The following ZNF609 variants were observed in gnomAD, a reference collection of about 807,000 sequenced individuals.
The protein encoded by ZNF609 is zinc finger protein 609.
ZNF609 carries 11 observed loss-of-function variants against 109.5 expected under a neutral mutation model. The ratio of observed to expected loss-of-function variants is 0.10; its 90% CI spans 0.06 to 0.17. The LOEUF (loss-of-function observed/expected upper bound fraction) is 0.17, where lower values mean the gene tolerates loss of function less well. Among genes scored for constraint, ZNF609 ranks in the 10% least tolerant of loss-of-function variants. The probability of loss-of-function intolerance (pLI) is 1.00; values close to 1 mark genes in which losing one functional copy is unlikely to be tolerated. For synonymous variants in ZNF609, 646 were observed against 662.0 expected, an observed-to-expected ratio of 0.98 and a Z score of 0.37; for missense variants, 1,559 against 1,772.4, an observed-to-expected ratio of 0.88 and a Z score of 2.16.
At chr15:64,679,278 G>A (rs1896847800) in intron 6 of ZNF609, among the ~76,000 whole-genome samples, 1 of 152,148 alleles carries the variant, frequency 6.6e-6, no homozygotes, top group South Asian at 2.1e-4. Context: ...TTCCGTGTTG[G>A]TCAGGCTGGT....
chr15:64,596,337 G>A (rs1895397795), intron 2 of ZNF609, among the ~76,000 whole-genome samples: 1 of 152,006 alleles, frequency 6.6e-6, no homozygotes, highest in Admixed American at 6.6e-5. Flanking sequence ...TGTATTTTTA[G>A]CAGAGATGGG....
At chr15:64,466,040 C>G (rs1193542720) in intron 1 of ZNF609, among the ~76,000 whole-genome samples, 1 of 134,638 alleles carries the variant, frequency 7.4e-6, no homozygotes, top group South Asian at 2.4e-4. Flanking sequence ...CGCTTGAACC[C>G]GGGAGGTGGA....
chr15:64,544,436 G>C (rs917168189), intron 2 of ZNF609, among the ~76,000 whole-genome samples: 4 of 152,208 alleles, frequency 2.6e-5, no homozygotes, highest in African/African-American at 7.2e-5. Flanking sequence ...CTTCAGGGCT[G>C]TAATATAATT....
intron 3 of ZNF609, among the ~76,000 whole-genome samples, chr15:64,628,379 G>T (rs1319106737): frequency 6.6e-6 from 1 of 151,298 alleles, no homozygotes; most frequent in Admixed American, 6.6e-5. Context: ...ACAAGTGGAC[G>T]GGCACGGTGG....
At chr15:64,583,043 G>T (rs956591909) in intron 2 of ZNF609, among the ~76,000 whole-genome samples, 23 of 150,352 alleles carry the variant, frequency 1.5e-4, no homozygotes, top group African/African-American at 5.4e-4. Flanking sequence ...GAGCCACCAC[G>T]CCGGGCCAAG....
intron 1 of ZNF609, among the ~76,000 whole-genome samples, chr15:64,497,564 C>T (rs1224530381): frequency 2.0e-5 from 3 of 152,172 alleles, no homozygotes; most frequent in Non-Finnish European, 4.4e-5. Flanking sequence ...GCAGAATTCA[C>T]TGTGACACTA....
chr15:64,522,905 G>A (rs1053652809), intron 2 of ZNF609, among the ~76,000 whole-genome samples: 20 of 151,084 alleles, frequency 1.3e-4, no homozygotes, highest in Middle Eastern at 3.4e-3. Flanking sequence ...ATGTTGACCA[G>A]TCTAGACCTT....
At chr15:64,472,865 A>C (rs1566992588) in intron 1 of ZNF609, among the ~76,000 whole-genome samples, 1 of 152,196 alleles carries the variant, frequency 6.6e-6, no homozygotes, top group Non-Finnish European at 1.5e-5. Context: ...AAAAAAATAA[A>C]GACCAAGAAT....
chr15:64,652,314 A>G (rs1389445931), intron 3 of ZNF609, among the ~76,000 whole-genome samples: 8 of 151,278 alleles, frequency 5.3e-5, no homozygotes, highest in African/African-American at 1.7e-4. Context: ...ATGAGCCACC[A>G]TGCCCAGCCT....
At chr15:64,598,389 T>A (rs1191170385) in intron 2 of ZNF609, among the ~76,000 whole-genome samples, 1 of 152,220 alleles carries the variant, frequency 6.6e-6, no homozygotes, top group East Asian at 1.9e-4. Flanking sequence ...GTGCTGGGAC[T>A]ACAGGCATGA....
chr15:64,472,746 A>G (rs542619475), intron 1 of ZNF609, among the ~76,000 whole-genome samples: 7 of 152,262 alleles, frequency 4.6e-5, no homozygotes, highest in African/African-American at 1.7e-4. Context: ...AGTTCCAGCT[A>G]CATGGGAAGT....
At chr15:64,532,699 C>G (rs1413567204) in intron 2 of ZNF609, among the ~76,000 whole-genome samples, 2 of 152,266 alleles carry the variant, frequency 1.3e-5, no homozygotes, top group South Asian at 4.1e-4. Context: ...AGCTTCACAG[C>G]GAGATGACTG....
At chr15:64,593,061 G>A (rs1012353798) in intron 2 of ZNF609, 35 of 1,587,720 alleles carry the variant, frequency 2.2e-5, no homozygotes, top group Middle Eastern at 3.4e-4. Context: ...AACTGTGCCC[G>A]ATGCGTGCCC....
intron 2 of ZNF609, among the ~76,000 whole-genome samples, chr15:64,622,199 A>G (rs749055828): frequency 3.9e-5 from 6 of 152,144 alleles, no homozygotes; most frequent in Non-Finnish European, 8.8e-5. Flanking sequence ...TACAGTTTCT[A>G]AGGGTTAGAA....
intron 2 of ZNF609, among the ~76,000 whole-genome samples, chr15:64,556,486 A>T (rs1171426548): frequency 6.6e-6 from 1 of 151,770 alleles, no homozygotes; most frequent in Non-Finnish European, 1.5e-5. Context: ...TATATATATT[A>T]GTTTATTTAA....
intron 7 of ZNF609, 79 bp from the exon 8 acceptor site, chr15:64,680,567 G>C: frequency 8.0e-7 from 1 of 1,257,438 alleles, no homozygotes. Context: ...TCACTTGTGT[G>C]TGTGTGTGTG....
In ZNF609 at chr15:64,525,917, T is replaced by C. The variant is rs114398169; in HGVS notation, c.747+25751T>C. On this transcript the variant is annotated intron_variant, in intron 2 of 9. Transcript: ENST00000326648. ...GATTCTCCTGTTTCAGCCTCCCAAA[T>C]AACTGGGACTACAGGTGCACGCCAC... Among the ~76,000 whole-genome samples the C allele has an allele frequency of 4.4e-3, 666 of 151,962 alleles. 8 individuals are homozygous for C. Among genetic ancestry groups the C allele is most frequent in the African/African-American group, 0.015 (624 of 41,426 alleles).
At chr15:64,527,766 C>T (rs1893988422) in intron 2 of ZNF609, among the ~76,000 whole-genome samples, 1 of 152,200 alleles carries the variant, frequency 6.6e-6, no homozygotes, top group Non-Finnish European at 1.5e-5. Flanking sequence ...CTTTCCCTCA[C>T]TGCTCACATC....
intron 2 of ZNF609, among the ~76,000 whole-genome samples, chr15:64,579,332 G>GC (rs1895055090): frequency 6.6e-6 from 1 of 150,852 alleles, no homozygotes. Context: ...GATGAGTTGA[G>GC]CCCAGGAGGT....
Sources: allele counts gnomAD v4.1 joint callset (sites outside exome capture counted in the v4.1 genomes callset), GRCh38; gene constraint gnomAD v4.1.1; transcripts MANE v1.5; gene names NCBI Gene and HGNC (gene_info 2026-07-23, HGNC 2026-07-21).